ARHGEF33: variants seen among roughly 807,000 people sequenced by gnomAD.
The protein encoded by ARHGEF33 is Rho guanine nucleotide exchange factor 33, also known as DH and coiled-coil domain-containing protein ENSP00000381780.
Under a neutral mutation model 101.9 loss-of-function variants are expected in ARHGEF33, and 72 were observed. That is an observed-to-expected ratio of 0.71 (90% CI 0.58 to 0.86). The LOEUF is 0.86. ARHGEF33 is among the 40% of genes least tolerant of loss of function. The probability of loss-of-function intolerance (pLI) is 0.00; values close to 1 mark genes in which losing one functional copy is unlikely to be tolerated. For synonymous variants in ARHGEF33, 499 were observed against 442.5 expected (o/e 1.13, Z -1.60); for missense variants, 1,169 against 1,111.3 (o/e 1.05, Z -0.74).
intron 13 of ARHGEF33, 65 bp downstream of exon 13, chr2:38,954,521 C>T (rs1458285674): frequency 3.2e-6 from 3 of 937,114 alleles, no homozygotes; most frequent in Non-Finnish European, 5.1e-6. Flanking sequence ...TTTTGGCTCC[C>T]AACTGAGAAA....
At chr2:38,948,945 A>C (rs998124841) in intron 10 of ARHGEF33, among the ~76,000 whole-genome samples, 1 of 152,124 alleles carries the variant, frequency 6.6e-6, no homozygotes, top group Admixed American at 6.5e-5. Context: ...CCACTGTTCC[A>C]TTGTAAGCGC....
chr2:38,910,538 C>T (rs767758439), intron 2 of ARHGEF33, among the ~76,000 whole-genome samples: 1 of 152,126 alleles, frequency 6.6e-6, no homozygotes, highest in Non-Finnish European at 1.5e-5. Context: ...CCACTGCACT[C>T]CAACCTGGGT....
intron 2 of ARHGEF33, among the ~76,000 whole-genome samples, chr2:38,918,719 A>G (rs893385831): frequency 6.6e-6 from 1 of 152,236 alleles, no homozygotes; most frequent in East Asian, 1.9e-4. Flanking sequence ...ATTGGCCTTC[A>G]TATCTGCTTA....
chr2:38,956,118 A>G (rs1400564396), intron 13 of ARHGEF33, among the ~76,000 whole-genome samples: 1 of 152,108 alleles, frequency 6.6e-6, no homozygotes, highest in Non-Finnish European at 1.5e-5. Context: ...TAAGTTAACA[A>G]TTTACCCAAG....
chr2:38,911,608 A>T (rs1458905507), intron 2 of ARHGEF33, among the ~76,000 whole-genome samples: 1 of 152,236 alleles, frequency 6.6e-6, no homozygotes, highest in African/African-American at 2.4e-5. Context: ...TTTCTGAATT[A>T]ATTTTACACA....
At chr2:38,943,802 A>C in intron 9 of ARHGEF33, 99 bp from the exon 10 acceptor site, 4 of 1,207,742 alleles carry the variant, frequency 3.3e-6, no homozygotes, top group Non-Finnish European at 4.5e-6. Flanking sequence ...TTTTTTTTTT[A>C]TTGCTTTCAA....
chr2:38,960,145 G>T lies in ARHGEF33; in HGVS notation c.1840G>T (p.Glu614Ter), dbSNP rs1667880240. The T allele has an allele frequency of 1.9e-6, 3 of 1,543,012 alleles. No homozygotes were observed. Among genetic ancestry groups the T allele is most frequent in the Non-Finnish European group, 1.7e-6 (2 of 1,145,562 alleles). The change falls in exon 16 of 18, where the codon GAA becomes TAA. Residue 614 changes from glutamate to a stop codon, truncating the protein, a stop_gained. Coordinates refer to ENST00000409978, the MANE Select transcript of ARHGEF33 (RefSeq NM_001145451.5). LOFTEE classifies it high-confidence loss of function. The stretch of plus-strand genomic sequence containing the variant: ...CCGCGGCTTCGTGCCCGCGGCCTAC[G>T]AAGAGTTCGAGTACGGCGGCGAGAT... ...DARGFVPAAY[E>*]EFEYGGEIFA...
chr2:38,938,168 C>T (rs554595629), intron 9 of ARHGEF33, among the ~76,000 whole-genome samples: 2 of 152,244 alleles, frequency 1.3e-5, no homozygotes, highest in Admixed American at 6.5e-5. Context: ...TCCATGTTTT[C>T]TTTTCGGGGG....
chr2:38,901,524 C>T (rs183919114), intron 2 of ARHGEF33, among the ~76,000 whole-genome samples: 1 of 152,186 alleles, frequency 6.6e-6, no homozygotes, highest in Non-Finnish European at 1.5e-5. Flanking sequence ...TAACACATCC[C>T]TATCCTGGAA....
At chr2:38,973,600 C>G in intron 17 of ARHGEF33, 114 bp from the exon 18 acceptor site, 2 of 1,195,024 alleles carry the variant, frequency 1.7e-6, no homozygotes, top group Non-Finnish European at 2.2e-6. Context: ...AAAAAGTATT[C>G]CAGTTCTAGG....
At chr2:38,898,482 C>G (rs1007915964) in intron 2 of ARHGEF33, among the ~76,000 whole-genome samples, 2 of 152,142 alleles carry the variant, frequency 1.3e-5, no homozygotes, top group Non-Finnish European at 2.9e-5. Context: ...ACGTGACTTC[C>G]CATTGACCCT....
At position 38,921,263 on chromosome 2, in the gene ARHGEF33, G is replaced by A. The variant is rs778583926; in HGVS notation, c.26-111G>A. 1.0e-4 allele frequency: 69 copies of A among 690,786 alleles called. 1 individual carries two copies. The highest frequency in any genetic ancestry group is 2.4e-4 in the Middle Eastern group (1 of 4,168). The allele number at this position is 690,786 out of a possible 1,614,324, so 42.8% of individuals were successfully genotyped here. On this transcript the variant is annotated intron_variant, in intron 3 of 17. Transcript: ENST00000409978. ...CCCCTGGAATCATTGGTTTCTTGTC[G>A]TGCGGGCACAAATGTAGGATCCTGT... is the stretch of plus-strand genomic sequence containing the variant.
intron 16 of ARHGEF33, among the ~76,000 whole-genome samples, chr2:38,964,736 G>A (rs1668017444): frequency 6.6e-6 from 1 of 152,054 alleles, no homozygotes; most frequent in Non-Finnish European, 1.5e-5. Flanking sequence ...CTGCTGTGTG[G>A]CCCAGTTCCT....
At position 38,937,315 on chromosome 2, in the gene ARHGEF33, CCCTCCCCCCACCCCACCA is replaced by C; in HGVS notation, c.566-19_566-2del. 1 of 288,102 alleles carries C rather than the reference CCCTCCCCCCACCCCACCA, an allele frequency of 3.5e-6. No individual in the cohort carries two copies. The highest frequency in any genetic ancestry group is 6.7e-6 in the Non-Finnish European group (1 of 148,484). The allele number at this position is 288,102 out of a possible 1,614,324, so 17.8% of individuals were successfully genotyped here. ...ATAGCAGTTTTCTTTGTTTCCCCGC[CCCTCCCCCCACCCCACCA>C]GGAGTGAACCCAACAACTCCAGAAG... On this transcript the variant is annotated splice_acceptor_variant and splice_polypyrimidine_tract_variant and intron_variant, in intron 8 of 17. Coordinates refer to ENST00000409978, the MANE Select transcript of ARHGEF33 (RefSeq NM_001145451.5). LOFTEE classifies it high-confidence loss of function.
chr2:38,923,851 C>T (rs1245509002), intron 4 of ARHGEF33, among the ~76,000 whole-genome samples: 1 of 152,026 alleles, frequency 6.6e-6, no homozygotes, highest in East Asian at 1.9e-4. Context: ...AAAATTCAAA[C>T]CATAAAATTT....
intron 7 of ARHGEF33, among the ~76,000 whole-genome samples, chr2:38,933,064 A>T (rs1048479396): frequency 1.2e-4 from 19 of 152,234 alleles, no homozygotes; most frequent in African/African-American, 4.6e-4. Flanking sequence ...CCCAAAATTC[A>T]GTAGCTTAAA....
intron 7 of ARHGEF33, among the ~76,000 whole-genome samples, chr2:38,935,496 A>G (rs1167018693): frequency 1.3e-5 from 2 of 152,202 alleles, no homozygotes; most frequent in Admixed American, 1.3e-4. Flanking sequence ...TTAAACAACT[A>G]TTTAACTCTT....
Position 38,937,313 on chromosome 2 carries a change from GCCCCTCCCCCCA to G in ARHGEF33, c.566-17_566-6del, listed in dbSNP as rs2124393060. 1.6e-5 allele frequency: 9 copies of G among 568,596 alleles called. No individual in the cohort carries two copies. Among genetic ancestry groups the G allele is most frequent in the Non-Finnish European group, 2.8e-5 (9 of 324,682 alleles). The allele number at this position is 568,596 out of a possible 1,614,324, so 35.2% of individuals were successfully genotyped here. A position where few individuals can be genotyped will look rare whatever the true frequency, so the allele number is the denominator to read the frequency against. ...TGATAGCAGTTTTCTTTGTTTCCCC[GCCCCTCCCCCCA>G]CCCCACCAGGAGTGAACCCAACAAC... On this transcript the variant is annotated splice_polypyrimidine_tract_variant and intron_variant, in intron 8 of 17. Coordinates refer to ENST00000409978, the MANE Select transcript of ARHGEF33 (RefSeq NM_001145451.5).
In ARHGEF33 at chr2:38,973,999, C is replaced by G; in HGVS notation, c.*156C>G. Reference sequence around the variant, plus strand: ...CTAATATAAATACTTACATATGAAACTAAACATACAAGACATTGAAGAGAT... The same window carrying G: ...CTAATATAAATACTTACATATGAAAGTAAACATACAAGACATTGAAGAGAT... On this transcript the variant is annotated 3_prime_UTR_variant, in exon 18 of 18. Coordinates refer to ENST00000409978, the MANE Select transcript of ARHGEF33 (RefSeq NM_001145451.5). 1 of 433,692 alleles carries G rather than the reference C, an allele frequency of 2.3e-6. No homozygotes were observed. The allele number at this position is 433,692 out of a possible 1,614,324, so 26.9% of individuals were successfully genotyped here. A position where few individuals can be genotyped will look rare whatever the true frequency, so the allele number is the denominator to read the frequency against.
Sources: gnomAD v4.1 joint callset for allele counts (sites outside exome capture counted in the v4.1 genomes callset) on GRCh38, gnomAD v4.1.1 for gene constraint, MANE v1.5 for transcripts, NCBI Gene and HGNC (gene_info 2026-07-23, HGNC 2026-07-21) for gene names.